NDC1: variants seen among roughly 807,000 people sequenced by gnomAD.
NDC1 encodes the protein NDC1 transmembrane nucleoporin.
In NDC1, 24 loss-of-function variants were observed where a neutral mutation model predicts 89.8. The ratio of observed to expected loss-of-function variants is 0.27; its 90% CI spans 0.19 to 0.38. The LOEUF (loss-of-function observed/expected upper bound fraction) is 0.38. NDC1 is among the 10% of genes least tolerant of loss of function. The pLI is 1.00. For synonymous variants in NDC1, 296 were observed against 284.8 expected, an observed-to-expected ratio of 1.04 and a Z score of -0.39; for missense variants, 728 against 797.6, an observed-to-expected ratio of 0.91 and a Z score of 1.05.
intron 16 of NDC1, among the ~76,000 whole-genome samples, chr1:53,781,864 T>C (rs1229309096): frequency 6.6e-6 from 1 of 152,012 alleles, no homozygotes; most frequent in African/African-American, 2.4e-5. Context: ...TGTCACTAAA[T>C]TTAAGCCCCA....
At chr1:53,815,045 C>G (rs990149593) in intron 6 of NDC1, among the ~76,000 whole-genome samples, 7 of 152,094 alleles carry the variant, frequency 4.6e-5, no homozygotes, top group African/African-American at 1.4e-4. Context: ...GAATTAGTAC[C>G]AATCCTTTTG....
At chr1:53,802,026 A>G (rs1482123362) in intron 10 of NDC1, among the ~76,000 whole-genome samples, 3 of 152,204 alleles carry the variant, frequency 2.0e-5, no homozygotes, top group African/African-American at 7.2e-5. Flanking sequence ...TACAGACGTG[A>G]GCTGCGTCCA....
At chr1:53,793,148 A>C in intron 14 of NDC1, 81 bp downstream of exon 14, 1 of 1,207,552 alleles carries the variant, frequency 8.3e-7, no homozygotes, top group Non-Finnish European at 1.2e-6. Context: ...AAATATTTAC[A>C]AGTCAGATCC....
intron 16 of NDC1, among the ~76,000 whole-genome samples, chr1:53,773,806 G>A (rs1443904032): frequency 6.6e-6 from 1 of 152,122 alleles, no homozygotes; most frequent in African/African-American, 2.4e-5. Context: ...CTCCTTTAGT[G>A]CAGCACCCAC....
chr1:53,819,435 T>A (rs558944861), intron 5 of NDC1, among the ~76,000 whole-genome samples: 6 of 152,342 alleles, frequency 3.9e-5, no homozygotes, highest in South Asian at 4.1e-4. Flanking sequence ...TCCTAAGCAC[T>A]TTACATATTT....
In NDC1 at chr1:53,797,002, T is replaced by C; in HGVS notation, c.1365A>G (p.Val455=). ...CAAAAATTCCAGCCATCCGATTCAT[T>C]ACACTAGAGCCAAATGGGGTCCCAA... ...SPFGTPFGSS[V]MNRMAGIFDV... The change falls in exon 12 of 18, where the codon GTA becomes GTG. Residue 455 remains valine (V), a synonymous_variant. Transcript: ENST00000371429. The C allele has an allele frequency of 6.2e-7, 1 of 1,614,158 alleles. No individual in the cohort carries two copies. Among genetic ancestry groups the C allele is most frequent in the Non-Finnish European group, 8.5e-7 (1 of 1,180,030 alleles).
intron 1 of NDC1, among the ~76,000 whole-genome samples, chr1:53,836,571 C>T (rs1198929115): frequency 6.6e-6 from 1 of 151,890 alleles, no homozygotes; most frequent in African/African-American, 2.4e-5. Context: ...TCTCAGCTCA[C>T]TGCAACCTCC....
intron 5 of NDC1, among the ~76,000 whole-genome samples, chr1:53,823,505 ATT>A (rs1193213949): frequency 6.6e-6 from 1 of 152,228 alleles, no homozygotes; most frequent in African/African-American, 2.4e-5. Context: ...ATTTATCAGC[ATT>A]GTCAACTATC....
At chr1:53,792,115 T>G (rs1177202606) in intron 14 of NDC1, among the ~76,000 whole-genome samples, 2 of 151,840 alleles carry the variant, frequency 1.3e-5, no homozygotes, top group Non-Finnish European at 2.9e-5. Flanking sequence ...GCTAATTTTT[T>G]GTATTTTTAG....
intron 5 of NDC1, among the ~76,000 whole-genome samples, chr1:53,824,593 T>G (rs557877838): frequency 1.3e-5 from 2 of 152,288 alleles, no homozygotes; most frequent in East Asian, 1.9e-4. Context: ...ATTGTGCGAA[T>G]GAGGAGCAGC....
chr1:53,768,517 T>A (rs1647085128), intron 17 of NDC1, among the ~76,000 whole-genome samples: 1 of 152,198 alleles, frequency 6.6e-6, no homozygotes, highest in South Asian at 2.1e-4. Flanking sequence ...ACTTCTCCCT[T>A]TGAACATAAG....
At chr1:53,804,406 G>A (rs752382313) in intron 9 of NDC1, among the ~76,000 whole-genome samples, 8 of 152,226 alleles carry the variant, frequency 5.3e-5, no homozygotes, top group South Asian at 4.2e-4. Context: ...CAAACTGTGC[G>A]GCCCACAAGA....
At chr1:53,816,133 A>G (rs1045474710) in intron 6 of NDC1, among the ~76,000 whole-genome samples, 2 of 152,222 alleles carry the variant, frequency 1.3e-5, no homozygotes, top group Non-Finnish European at 2.9e-5. Context: ...AAGAGCCCAC[A>G]TAGCCAAAGC....
At chr1:53,822,619 G>A (rs1175901668) in intron 5 of NDC1, among the ~76,000 whole-genome samples, 1 of 151,688 alleles carries the variant, frequency 6.6e-6, no homozygotes, top group Non-Finnish European at 1.5e-5. Context: ...GTGGGACAAA[G>A]ATTGAGACTG....
At chr1:53,824,418 C>A (rs1648776414) in intron 5 of NDC1, among the ~76,000 whole-genome samples, 1 of 152,010 alleles carries the variant, frequency 6.6e-6, no homozygotes, top group African/African-American at 2.4e-5. Context: ...TTTAGTTAAT[C>A]CAACACATTC....
chr1:53,773,710 A>G (rs1369247725), intron 16 of NDC1, among the ~76,000 whole-genome samples: 2 of 151,832 alleles, frequency 1.3e-5, no homozygotes, highest in African/African-American at 4.8e-5. Context: ...AGAGTGCCCA[A>G]AGAAAAGTCT....
chr1:53,819,109 CA>C (rs1178867370), intron 5 of NDC1, 30 bp from the exon 6 acceptor site: 1 of 1,088,116 alleles, frequency 9.2e-7, no homozygotes, highest in Non-Finnish European at 1.4e-6. Flanking sequence ...AATCAAATGA[CA>C]CATTCAAATC....
chr1:53,798,138 TTTATTATTATTATTA>T (rs71063883), intron 11 of NDC1, among the ~76,000 whole-genome samples: 54 of 133,010 alleles, frequency 4.1e-4, no homozygotes, highest in African/African-American at 8.9e-4. Context: ...CCATCTTCTT[TTTATTATTATTATTA>T]TTATTATTAT....
At chr1:53,800,028 T>C (rs1007957736) in intron 11 of NDC1, among the ~76,000 whole-genome samples, 3 of 152,180 alleles carry the variant, frequency 2.0e-5, no homozygotes, top group Non-Finnish European at 2.9e-5. Flanking sequence ...GCAACAGATA[T>C]TGTCTGCAAA....
Sources: gnomAD v4.1 joint callset for allele counts (sites outside exome capture counted in the v4.1 genomes callset) on GRCh38, gnomAD v4.1.1 for gene constraint, MANE v1.5 for transcripts, NCBI Gene and HGNC (gene_info 2026-07-23, HGNC 2026-07-21) for gene names.